The following MALT1 variants were observed in gnomAD, a reference collection of about 807,000 sequenced individuals.
MALT1 encodes mucosa-associated lymphoid tissue lymphoma translocation protein 1.
A neutral mutation model predicts 85.5 loss-of-function variants in MALT1; 36 were observed. That is an observed-to-expected ratio of 0.42 (90% CI 0.32 to 0.56). MALT1 has a LOEUF of 0.56. Among genes scored for constraint, MALT1 ranks in the 20% least tolerant of loss-of-function variants. MALT1 has a pLI of 0.10. For synonymous variants in MALT1, 359 were observed against 361.3 expected (o/e 0.99, Z 0.07); for missense variants, 716 against 981.6 (o/e 0.73, Z 3.62).
At position 58,681,264 on chromosome 18, in the gene MALT1, A is replaced by G; in HGVS notation, c.304A>G (p.Thr102Ala). Reference sequence around the variant, plus strand: ...GAAGTTAATGGGTGAAAAAGGTTGCACAGTCACAGAATTGAGTGATTTCCT... The same window carrying G: ...GAAGTTAATGGGTGAAAAAGGTTGCGCAGTCACAGAATTGAGTGATTTCCT... ...LLKLMGEKGC[T>A]VTELSDFLQA... The change falls in exon 2 of 17, where the codon ACA becomes GCA. Residue 102 changes from threonine to alanine, a missense_variant. By Grantham distance (58) the Thr-to-Ala change is moderately conservative (BLOSUM62 0). Coordinates refer to ENST00000649217, the MANE Select transcript of MALT1 (RefSeq NM_006785.4). The G allele has an allele frequency of 6.2e-7, 1 of 1,614,186 alleles. No individual in the cohort carries two copies.
At chr18:58,724,589 T>C (rs1481910305) in intron 10 of MALT1, among the ~76,000 whole-genome samples, 2 of 152,240 alleles carry the variant, frequency 1.3e-5, no homozygotes, top group East Asian at 1.9e-4. Flanking sequence ...GCCAACATGA[T>C]GCCACAAGTG....
chr18:58,719,716 C>A (rs1031174430), intron 9 of MALT1, among the ~76,000 whole-genome samples: 1 of 152,204 alleles, frequency 6.6e-6, no homozygotes, highest in Non-Finnish European at 1.5e-5. Context: ...GACTAGAATG[C>A]AAATGGCCTT....
Position 58,752,030 on chromosome 18 carries a change from T to C in MALT1, c.*4188T>C, listed in dbSNP as rs986123615. On this transcript the variant is annotated 3_prime_UTR_variant, in exon 17 of 17. Coordinates refer to ENST00000649217, the MANE Select transcript of MALT1 (RefSeq NM_006785.4). ...TCTCTAATGCCTCTTTTCAAATCTC[T>C]GACTTGCACATGAAGTAACAGTGAG... The C allele has an allele frequency of 6.6e-6, 1 of 152,262 alleles. No homozygotes were observed. Among genetic ancestry groups the C allele is most frequent in the African/African-American group, 2.4e-5 (1 of 41,474 alleles). 9.4% of individuals were successfully genotyped at this position (152,262 alleles called of 1,614,324 possible).
chr18:58,672,334 A>G (rs1270387736), intron 1 of MALT1: 1 of 153,206 alleles, frequency 6.5e-6, no homozygotes, highest in Non-Finnish European at 1.5e-5. Context: ...AACATTTTGC[A>G]AGGTATTGGG....
rs921079391 is a variant in MALT1, at chr18:58,675,715, C to G, written c.209+3863C>G. Among the ~76,000 whole-genome samples the G allele has an allele frequency of 3.3e-5, 5 of 152,156 alleles. No individual in the cohort carries two copies. In the East Asian group the frequency reaches 9.6e-4, roughly 29 times the overall value. On this transcript the variant is annotated intron_variant, in intron 1 of 16. Coordinates refer to ENST00000649217, the MANE Select transcript of MALT1 (RefSeq NM_006785.4). ...AAACAAATAAACTAAAAAAGGTTTC[C>G]TTCTCGCCCTCTTGGTCTTATCCTT...
chr18:58,714,175 G>A (rs984477383), intron 8 of MALT1, 66 bp downstream of exon 8: 32 of 760,474 alleles, frequency 4.2e-5, no homozygotes, highest in Middle Eastern at 2.6e-4. Flanking sequence ...CAAAGTTACC[G>A]TAGGTACTCT....
In MALT1 at chr18:58,747,926, GC is replaced by G; in HGVS notation, c.*85del. On this transcript the variant is annotated 3_prime_UTR_variant, in exon 17 of 17. Transcript: ENST00000649217. ...ACATAAAGTGAGACATTGTGAAAAG[GC>G]AAATTTGTATATGTAGAGAAAGAAT... 9.2e-7 allele frequency: 1 copy of G among 1,083,824 alleles called. No homozygotes were observed. Among genetic ancestry groups the G allele is most frequent in the East Asian group, 2.4e-5 (1 of 42,270 alleles). The allele number at this position is 1,083,824 out of a possible 1,614,324, so 67.1% of individuals were successfully genotyped here.
intron 1 of MALT1, among the ~76,000 whole-genome samples, chr18:58,673,400 A>C (rs2054195486): frequency 6.6e-6 from 1 of 152,128 alleles, no homozygotes; most frequent in African/African-American, 2.4e-5. Flanking sequence ...AAATATACTA[A>C]ATGTTTACAT....
intron 13 of MALT1, among the ~76,000 whole-genome samples, chr18:58,736,649 G>A (rs957259033): frequency 2.0e-5 from 3 of 152,166 alleles, no homozygotes; most frequent in Admixed American, 6.5e-5. Flanking sequence ...ATGGCATCCC[G>A]ATATGTGCTG....
intron 6 of MALT1, 103 bp downstream of exon 6, chr18:58,710,175 C>T (rs1027178307): frequency 3.2e-6 from 2 of 622,786 alleles, no homozygotes; most frequent in Non-Finnish European, 5.6e-6. Context: ...TTACCCCATA[C>T]TATTTAATGA....
intron 2 of MALT1, chr18:58,691,225 A>T (rs1301152965): frequency 3.0e-6 from 1 of 331,832 alleles, no homozygotes; most frequent in African/African-American, 2.3e-5. Context: ...GTGAAAGATG[A>T]CACAGGATTC....
At chr18:58,690,671 T>C (rs903097174) in intron 2 of MALT1, 5 of 181,136 alleles carry the variant, frequency 2.8e-5, no homozygotes, top group East Asian at 3.3e-4. Flanking sequence ...GTTCTGCTGC[T>C]CAAGCTCCAT....
chr18:58,672,905 T>C (rs923257098), intron 1 of MALT1: 2 of 152,220 alleles, frequency 1.3e-5, no homozygotes, highest in African/African-American at 2.4e-5. Context: ...AATATTGTTA[T>C]GAAAAATCTT....
intron 13 of MALT1, among the ~76,000 whole-genome samples, chr18:58,740,843 T>C (rs1295862604): frequency 1.3e-5 from 2 of 152,206 alleles, no homozygotes; most frequent in Non-Finnish European, 2.9e-5. Context: ...TGATCAATAA[T>C]TGAGATGTTG....
intron 1 of MALT1, 27 bp downstream of exon 1, chr18:58,671,879 G>A (rs2054166991): frequency 8.2e-7 from 1 of 1,212,958 alleles, no homozygotes; most frequent in Non-Finnish European, 1.0e-6. Context: ...GGCAGGCCGG[G>A]CGCGCGGGTC....
chr18:58,712,879 G>A (rs1461032184), intron 7 of MALT1, among the ~76,000 whole-genome samples: 1 of 152,160 alleles, frequency 6.6e-6, no homozygotes, highest in African/African-American at 2.4e-5. Context: ...TTTTAGGGCA[G>A]TGGAACTATT....
At chr18:58,730,503 A>G (rs2055132887) in intron 10 of MALT1, among the ~76,000 whole-genome samples, 1 of 152,104 alleles carries the variant, frequency 6.6e-6, no homozygotes, top group South Asian at 2.1e-4. Flanking sequence ...TTAGGGCTAG[A>G]TAATATTCTA....
At chr18:58,675,781 A>G (rs2054230810) in intron 1 of MALT1, among the ~76,000 whole-genome samples, 2 of 152,114 alleles carry the variant, frequency 1.3e-5, no homozygotes, top group African/African-American at 4.8e-5. Flanking sequence ...GATTACTCCT[A>G]ATTTCTATTT....
At chr18:58,680,996 T>C (rs1013463247) in intron 1 of MALT1, among the ~76,000 whole-genome samples, 174 bp from the exon 2 acceptor site, 7 of 150,204 alleles carry the variant, frequency 4.7e-5, no homozygotes, top group Non-Finnish European at 7.4e-5. Flanking sequence ...TAAAGAGGAA[T>C]TCCCCGTGAT....
Sources: allele counts gnomAD v4.1 joint callset (sites outside exome capture counted in the v4.1 genomes callset), GRCh38; gene constraint gnomAD v4.1.1; transcripts MANE v1.5; gene names NCBI Gene and HGNC (gene_info 2026-07-23, HGNC 2026-07-21).